Variants in PLPP4 observed in about 807,000 individuals in gnomAD.
PLPP4 encodes the protein diacylglycerol pyrophosphate like 2.
A neutral mutation model predicts 32.2 loss-of-function variants in PLPP4; 20 were observed. The ratio of observed to expected loss-of-function variants is 0.62; its 90% CI spans 0.44 to 0.90. PLPP4 has a LOEUF of 0.90. Among genes scored for constraint, PLPP4 ranks in the 40% least tolerant of loss-of-function variants. The pLI is 0.00. For missense variants in PLPP4, 257 were observed against 353.1 expected (o/e 0.73, Z 2.18); for synonymous variants, 127 against 133.0 (o/e 0.95, Z 0.31).
intron 5 of PLPP4, among the ~76,000 whole-genome samples, chr10:120,546,153 T>C (rs1421223222): frequency 6.6e-6 from 1 of 152,172 alleles, no homozygotes; most frequent in Non-Finnish European, 1.5e-5. Flanking sequence ...GCTCCTCAGC[T>C]TGCAGATGGC....
At chr10:120,567,284 G>A (rs1270583209) in intron 5 of PLPP4, among the ~76,000 whole-genome samples, 4 of 152,188 alleles carry the variant, frequency 2.6e-5, no homozygotes, top group Non-Finnish European at 5.9e-5. Context: ...AGACATGTCT[G>A]GGTGTGAGAC....
At chr10:120,473,228 C>A (rs1848592949) in intron 1 of PLPP4, among the ~76,000 whole-genome samples, 1 of 152,052 alleles carries the variant, frequency 6.6e-6, no homozygotes, top group Admixed American at 6.6e-5. Context: ...TTTGTTTTGG[C>A]ATGCAGTTAA....
chr10:120,579,970 A>G (rs1412053549), intron 6 of PLPP4, among the ~76,000 whole-genome samples: 2 of 151,494 alleles, frequency 1.3e-5, no homozygotes, highest in Admixed American at 1.3e-4. Context: ...ATACAAAAAA[A>G]TTAGCCAGAC....
In PLPP4 at chr10:120,523,308, G is replaced by GA. The variant is rs796759969; in HGVS notation, c.445+2225dup. On this transcript the variant is annotated intron_variant, in intron 5 of 6. Coordinates refer to ENST00000398250, the MANE Select transcript of PLPP4 (RefSeq NM_001030059.3). ...AGAGTGAGACTCCATCTCAAGAAAAGAAAAAAAAAAAAGCTCAAAATTCTT... is the reference window on the plus strand; with the variant it reads ...AGAGTGAGACTCCATCTCAAGAAAAGAAAAAAAAAAAAAGCTCAAAATTCTT... Among the ~76,000 whole-genome samples, 339 of 138,418 alleles carry GA rather than the reference G, an allele frequency of 2.4e-3. 2 individuals are homozygous for GA. The highest frequency in any genetic ancestry group is 8.3e-3 in the Admixed American group (115 of 13,932). 90.8% of individuals were successfully genotyped at this position (138,418 alleles called of 152,430 possible).
intron 6 of PLPP4, among the ~76,000 whole-genome samples, chr10:120,583,738 T>A (rs919795745): frequency 6.6e-6 from 1 of 152,238 alleles, no homozygotes; most frequent in African/African-American, 2.4e-5. Flanking sequence ...TTAGTGCCTC[T>A]TGTAGATGTT....
chr10:120,502,236 G>A (rs768440202), intron 1 of PLPP4, among the ~76,000 whole-genome samples: 15 of 152,134 alleles, frequency 9.9e-5, no homozygotes, highest in Non-Finnish European at 1.8e-4. Flanking sequence ...AGAGGCGCTG[G>A]GGGCCCAGTG....
intron 1 of PLPP4, among the ~76,000 whole-genome samples, chr10:120,500,376 G>A (rs975557754): frequency 2.0e-5 from 3 of 152,156 alleles, no homozygotes; most frequent in Admixed American, 2.0e-4. Context: ...ATCGCACCCT[G>A]TGGGTGGCAG....
At chr10:120,482,759 A>C (rs1010091214) in intron 1 of PLPP4, among the ~76,000 whole-genome samples, 5 of 151,768 alleles carry the variant, frequency 3.3e-5, no homozygotes, top group African/African-American at 1.2e-4. Context: ...AAAAAAAAAA[A>C]AACTTAGCCA....
intron 6 of PLPP4, chr10:120,581,179 C>T (rs1849493944): frequency 1.0e-6 from 1 of 985,308 alleles, no homozygotes; most frequent in Admixed American, 6.1e-5. Flanking sequence ...TGATGTAATT[C>T]CCAGGGAAGA....
At chr10:120,484,379 G>A (rs372126625) in intron 1 of PLPP4, among the ~76,000 whole-genome samples, 5 of 152,140 alleles carry the variant, frequency 3.3e-5, no homozygotes, top group African/African-American at 1.2e-4. Context: ...AAACAGAAAT[G>A]TATTGGTGCA....
At chr10:120,535,285 T>A (rs765325310) in intron 5 of PLPP4, among the ~76,000 whole-genome samples, 1 of 152,176 alleles carries the variant, frequency 6.6e-6, no homozygotes, top group Non-Finnish European at 1.5e-5. Context: ...AAGACTTCCC[T>A]ACTTAATGTT....
At chr10:120,564,360 T>C (rs1848590864) in intron 5 of PLPP4, among the ~76,000 whole-genome samples, 1 of 151,926 alleles carries the variant, frequency 6.6e-6, no homozygotes, top group Admixed American at 6.5e-5. Flanking sequence ...CCTTAGATCT[T>C]TGATTAGCTT....
chr10:120,568,034 C>G (rs1451045897), intron 5 of PLPP4, among the ~76,000 whole-genome samples: 2 of 152,200 alleles, frequency 1.3e-5, no homozygotes, highest in Non-Finnish European at 2.9e-5. Context: ...GATACAATCA[C>G]TTGGGGCTTC....
rs867761761 is a variant in PLPP4, at chr10:120,468,097, A to G, written c.56+10736A>G. ...CTTTGTTGTGGCCGCATAGTAGTTC[A>G]TGGTGTGTATGTACCACATTTTCTT... On this transcript the variant is annotated intron_variant, in intron 1 of 6. Transcript: ENST00000398250. Among the ~76,000 whole-genome samples the G allele has an allele frequency of 3.1e-5, 2 of 65,166 alleles. 1 individual carries two copies. Among genetic ancestry groups the G allele is most frequent in the African/African-American group, 6.6e-5 (2 of 30,530 alleles). 42.8% of individuals were successfully genotyped at this position (65,166 alleles called of 152,430 possible). A position where few individuals can be genotyped will look rare whatever the true frequency, so the allele number is the denominator to read the frequency against.
intron 5 of PLPP4, among the ~76,000 whole-genome samples, chr10:120,545,024 C>T (rs1847547210): frequency 6.6e-6 from 1 of 152,212 alleles, no homozygotes; most frequent in Non-Finnish European, 1.5e-5. Flanking sequence ...TTGATGGCGT[C>T]ACTTCTGCTT....
chr10:120,484,805 G>C (rs1468498678), intron 1 of PLPP4, among the ~76,000 whole-genome samples: 3 of 152,194 alleles, frequency 2.0e-5, no homozygotes, highest in Admixed American at 6.5e-5. Context: ...ATGGCCAAGG[G>C]AATTAAGGTT....
intron 1 of PLPP4, among the ~76,000 whole-genome samples, chr10:120,497,946 A>G (rs1045408309): frequency 6.6e-6 from 1 of 152,128 alleles, no homozygotes. Context: ...AGCCTGAGGC[A>G]GGAGAATGGC....
At chr10:120,565,871 A>G (rs1474305315) in intron 5 of PLPP4, among the ~76,000 whole-genome samples, 3 of 151,948 alleles carry the variant, frequency 2.0e-5, no homozygotes, top group East Asian at 1.9e-4. Flanking sequence ...ATTATTTTTC[A>G]TATGTCTTTT....
intron 5 of PLPP4, among the ~76,000 whole-genome samples, chr10:120,571,289 A>T (rs1216502529): frequency 6.6e-6 from 1 of 151,954 alleles, no homozygotes; most frequent in East Asian, 1.9e-4. Context: ...CCTGTCTTAT[A>T]ATCCCCATGT....
Sources: gnomAD v4.1 joint callset for allele counts (sites outside exome capture counted in the v4.1 genomes callset) on GRCh38, gnomAD v4.1.1 for gene constraint, MANE v1.5 for transcripts, NCBI Gene and HGNC (gene_info 2026-07-23, HGNC 2026-07-21) for gene names.